SLC39A11: variants seen among roughly 807,000 people sequenced by gnomAD.
The protein encoded by SLC39A11 is solute carrier family 39 member 11.
A neutral mutation model predicts 36.1 loss-of-function variants in SLC39A11; 33 were observed. That is an observed-to-expected ratio of 0.91 (90% CI 0.69 to 1.22). SLC39A11 has a LOEUF of 1.22. SLC39A11 is among the 50% of genes most tolerant of loss of function. The pLI is 0.00. For missense variants in SLC39A11, 432 were observed against 430.3 expected (o/e 1.00, Z -0.03); for synonymous variants, 166 against 170.3 (o/e 0.97, Z 0.20).
At chr17:72,930,080 G>C (rs373211017) in intron 5 of SLC39A11, among the ~76,000 whole-genome samples, 7 of 152,316 alleles carry the variant, frequency 4.6e-5, no homozygotes, top group Admixed American at 2.0e-4. Flanking sequence ...CTGTTCTGCA[G>C]GTTGAAATAT....
At chr17:72,681,817 T>G (rs2071521968) in intron 7 of SLC39A11, among the ~76,000 whole-genome samples, 1 of 152,176 alleles carries the variant, frequency 6.6e-6, no homozygotes, top group African/African-American at 2.4e-5. Flanking sequence ...TTCTCTTCCT[T>G]AGGATTTTCT....
chr17:72,780,093 G>A (rs139059372), intron 6 of SLC39A11, among the ~76,000 whole-genome samples: 3 of 152,320 alleles, frequency 2.0e-5, no homozygotes, highest in East Asian at 1.9e-4. Context: ...AGTAGCCAAC[G>A]CAAAGATGAA....
chr17:72,769,551 T>C (rs566724663), intron 6 of SLC39A11, among the ~76,000 whole-genome samples: 1 of 151,838 alleles, frequency 6.6e-6, no homozygotes, highest in Non-Finnish European at 1.5e-5. Context: ...TTTTTTTTTT[T>C]TCTTCTTTTT....
chr17:73,049,822 T>C (rs1470018929), intron 3 of SLC39A11, among the ~76,000 whole-genome samples: 1 of 151,692 alleles, frequency 6.6e-6, no homozygotes, highest in Non-Finnish European at 1.5e-5. Flanking sequence ...AGGAATGACA[T>C]GAAGGAAATG....
intron 7 of SLC39A11, among the ~76,000 whole-genome samples, chr17:72,723,952 T>C (rs1350413446): frequency 2.6e-5 from 4 of 152,184 alleles, no homozygotes; most frequent in African/African-American, 7.2e-5. Flanking sequence ...AGCACAGAAC[T>C]GGGGATGTGG....
intron 5 of SLC39A11, among the ~76,000 whole-genome samples, chr17:72,880,423 C>T (rs1311080515): frequency 6.6e-6 from 1 of 151,734 alleles, no homozygotes; most frequent in Non-Finnish European, 1.5e-5. Context: ...CAAAAAAAAA[C>T]CTGTTGGGCA....
At chr17:72,753,655 TC>T (rs1345144790) in intron 6 of SLC39A11, among the ~76,000 whole-genome samples, 1 of 151,990 alleles carries the variant, frequency 6.6e-6, no homozygotes, top group East Asian at 1.9e-4. Context: ...TTTGGGTTTT[TC>T]TCAGGTGTCT....
chr17:72,810,697 T>C (rs1029144574), intron 6 of SLC39A11, among the ~76,000 whole-genome samples: 1 of 152,160 alleles, frequency 6.6e-6, no homozygotes, highest in Admixed American at 6.5e-5. Context: ...AATTCTTTTT[T>C]TTTTTTAAGA....
chr17:72,780,965 C>A (rs2076296925), intron 6 of SLC39A11, among the ~76,000 whole-genome samples: 1 of 152,010 alleles, frequency 6.6e-6, no homozygotes, highest in Non-Finnish European at 1.5e-5. Context: ...GCAGCCTGGG[C>A]AACACGAGTG....
intron 7 of SLC39A11, among the ~76,000 whole-genome samples, chr17:72,723,615 G>C (rs1408760435): frequency 6.6e-6 from 1 of 152,154 alleles, no homozygotes; most frequent in Non-Finnish European, 1.5e-5. Context: ...CATTTTTGAG[G>C]TGATACATTT....
chr17:73,058,131 T>C (rs948039527), intron 3 of SLC39A11, among the ~76,000 whole-genome samples: 1 of 152,004 alleles, frequency 6.6e-6, no homozygotes, highest in African/African-American at 2.4e-5. Flanking sequence ...GGTCAAGACT[T>C]AACTTTGTTT....
chr17:72,939,925 C>G (rs1026286505), intron 5 of SLC39A11, among the ~76,000 whole-genome samples: 1 of 152,160 alleles, frequency 6.6e-6, no homozygotes, highest in East Asian at 1.9e-4. Context: ...AGTTGAGCAT[C>G]CCAAATCTGA....
At chr17:72,997,692 G>C (rs1177394538) in intron 4 of SLC39A11, among the ~76,000 whole-genome samples, 1 of 152,202 alleles carries the variant, frequency 6.6e-6, no homozygotes, top group Non-Finnish European at 1.5e-5. Flanking sequence ...GTTCTGAGTA[G>C]CATGATGAAA....
At chr17:72,810,331 A>G (rs1598830247) in intron 6 of SLC39A11, among the ~76,000 whole-genome samples, 1 of 152,336 alleles carries the variant, frequency 6.6e-6, no homozygotes, top group East Asian at 1.9e-4. Flanking sequence ...TAATAGCCCA[A>G]ACTGGAAACA....
chr17:72,838,038 C>T (rs2078642734), intron 6 of SLC39A11: 1 of 1,192,912 alleles, frequency 8.4e-7, no homozygotes, highest in South Asian at 4.3e-5. Context: ...AATCTCAGCA[C>T]TATGGGAGGC....
chr17:73,033,173 A>T (rs1461457628), intron 3 of SLC39A11, among the ~76,000 whole-genome samples: 1 of 152,186 alleles, frequency 6.6e-6, no homozygotes, highest in Non-Finnish European at 1.5e-5. Flanking sequence ...GTCTGACAGG[A>T]GGCGGAGCTC....
In SLC39A11 at chr17:73,068,374, T is replaced by A; in HGVS notation, c.147+16434A>T. The A allele has an allele frequency of 8.3e-6, 4 of 482,824 alleles. No individual in the cohort carries two copies. In the South Asian group the frequency reaches 1.2e-4, roughly 14 times the overall value. The allele number at this position is 482,824 out of a possible 1,614,324, so 29.9% of individuals were successfully genotyped here. A position where few individuals can be genotyped will look rare whatever the true frequency, so the allele number is the denominator to read the frequency against. On this transcript the variant is annotated intron_variant, in intron 3 of 9. Transcript: ENST00000255559. ...TATTCTCAGTCAAATCTAATCCTCA[T>A]AGATATGGATCACCAAAAGCAGAGA...
intron 5 of SLC39A11, among the ~76,000 whole-genome samples, chr17:72,869,810 G>A (rs2080512083): frequency 6.6e-6 from 1 of 152,202 alleles, no homozygotes; most frequent in Non-Finnish European, 1.5e-5. Flanking sequence ...ACATGTTCGT[G>A]TTTAAAATGC....
chr17:72,679,543 A>G (rs945850023), intron 7 of SLC39A11, among the ~76,000 whole-genome samples: 15 of 152,294 alleles, frequency 9.8e-5, no homozygotes, highest in Admixed American at 4.6e-4. Context: ...ACTTGAATAG[A>G]GACAGCCGCG....
Sources: gnomAD v4.1 joint callset for allele counts (sites outside exome capture counted in the v4.1 genomes callset) on GRCh38, gnomAD v4.1.1 for gene constraint, MANE v1.5 for transcripts, NCBI Gene and HGNC (gene_info 2026-07-23, HGNC 2026-07-21) for gene names.